Variants in ERCC3 observed in about 807,000 individuals in gnomAD.
ERCC3 encodes ERCC excision repair 3, TFIIH core complex helicase subunit, also known as general transcription and DNA repair factor IIH helicase/translocase subunit XPB.
Under a neutral mutation model 94.2 loss-of-function variants are expected in ERCC3, and 66 were observed. The ratio of observed to expected loss-of-function variants is 0.70; its 90% CI spans 0.57 to 0.86. The LOEUF (loss-of-function observed/expected upper bound fraction) is 0.86. ERCC3 is among the 40% of genes least tolerant of loss of function. The probability of loss-of-function intolerance (pLI) is 0.00; values close to 1 mark genes in which losing one functional copy is unlikely to be tolerated. For missense variants in ERCC3, 829 were observed against 987.1 expected (o/e 0.84, Z 2.15); for synonymous variants, 349 against 369.1 (o/e 0.95, Z 0.63).
rs4150480 is a variant in ERCC3, at chr2:127,274,729, G to T, written c.1731-1768C>A. Among the ~76,000 whole-genome samples, 11,859 of 152,234 alleles carry T rather than the reference G, an allele frequency of 0.078. 692 individuals are homozygous for T. Among genetic ancestry groups the T allele is most frequent in the African/African-American group, 0.17 (6,873 of 41,526 alleles). ...CTCGTCAGAACAGCCTGACTCTTGA[G>T]ACCCAGGTTTTTAGGTGGTTTTCTC... On this transcript the variant is annotated intron_variant, in intron 10 of 14. Coordinates refer to ENST00000285398, the MANE Select transcript of ERCC3 (RefSeq NM_000122.2). This position sits in a 1 kb window ranked among gnomAD's most constrained non-coding sequence, Gnocchi z 4.0.
At chr2:127,265,716 C>T (rs976544275) in intron 12 of ERCC3, among the ~76,000 whole-genome samples, 2 of 152,196 alleles carry the variant, frequency 1.3e-5, no homozygotes, top group African/African-American at 4.8e-5. Flanking sequence ...TGCGACTGGC[C>T]TTATCTATCT....
rs1156723348 is a variant in ERCC3 at position 127,271,007 on chromosome 2, C to G, written c.1945+329G>C. Among the ~76,000 whole-genome samples, 2 of 152,186 alleles carry G rather than the reference C, an allele frequency of 1.3e-5. 1 individual carries two copies. The highest frequency in any genetic ancestry group is 2.9e-5 in the Non-Finnish European group (2 of 68,024). ...CCAGCTCCTCCACTTACACTGGTGGCCCAGCTCTGTTTTCTCCCTTCCATG... is the reference window on the plus strand; with the variant it reads ...CCAGCTCCTCCACTTACACTGGTGGGCCAGCTCTGTTTTCTCCCTTCCATG... On this transcript the variant is annotated intron_variant, in intron 12 of 14. Transcript: ENST00000285398. The surrounding 1 kb of genome is among the most constrained non-coding windows in gnomAD (Gnocchi z 5.0).
intron 7 of ERCC3, 145 bp downstream of exon 7, chr2:127,288,515 T>C (rs911566860): frequency 2.5e-6 from 2 of 804,260 alleles, no homozygotes; most frequent in East Asian, 2.4e-5. Context: ...ACTCAAATAT[T>C]TGTCAAGTCA....
intron 12 of ERCC3, among the ~76,000 whole-genome samples, chr2:127,265,189 G>A (rs58965651): frequency 0.025 from 3,823 of 152,024 alleles, 61 homozygotes; most frequent in African/African-American, 0.03. Flanking sequence ...TCTCCTTATT[G>A]ATCTGTTCAG....
Position 127,271,534 on chromosome 2 carries a change from G to T in ERCC3, c.1828-81C>A. The stretch of plus-strand genomic sequence containing the variant: ...ATCCAGAATTTAAATAAGTTCTGTA[G>T]ATAATTTTGAAACATAATCACTCTT... On this transcript the variant is annotated intron_variant, in intron 11 of 14. Coordinates refer to ENST00000285398, the MANE Select transcript of ERCC3 (RefSeq NM_000122.2). The surrounding 1 kb of genome is among the most constrained non-coding windows in gnomAD (Gnocchi z 5.0). 1.0e-6 allele frequency: 1 copy of T among 970,300 alleles called. No individual in the cohort carries two copies. Among genetic ancestry groups the T allele is most frequent in the Non-Finnish European group, 1.7e-6 (1 of 598,390 alleles). 60.1% of individuals were successfully genotyped at this position (970,300 alleles called of 1,614,324 possible).
chr2:127,293,964 G>T, intron 1 of ERCC3, 90 bp downstream of exon 1: 3 of 1,555,448 alleles, frequency 1.9e-6, no homozygotes, highest in Non-Finnish European at 2.6e-6. Flanking sequence ...AGGGTCGGCC[G>T]GCGCAGAGGC....
At chr2:127,287,486 T>C (rs191300330) in intron 7 of ERCC3, among the ~76,000 whole-genome samples, 2 of 151,914 alleles carry the variant, frequency 1.3e-5, no homozygotes, top group African/African-American at 4.8e-5. Context: ...TACAAAAAAT[T>C]AGCCGGGCAT....
At chr2:127,278,762 G>A (rs1392447519) in intron 10 of ERCC3, among the ~76,000 whole-genome samples, 2 of 152,210 alleles carry the variant, frequency 1.3e-5, no homozygotes, top group Non-Finnish European at 2.9e-5. Context: ...ATGCCAGTCC[G>A]TACTTGGGAT....
At chr2:127,262,996 C>T (rs1218408300) in intron 12 of ERCC3, 1 of 152,192 alleles carries the variant, frequency 6.6e-6, no homozygotes, top group African/African-American at 2.4e-5. Flanking sequence ...TCTGAGCTCT[C>T]TATTCTGCTC....
chr2:127,286,555 AAAAAG>A (rs1685073215), intron 8 of ERCC3, 143 bp downstream of exon 8: 1 of 748,914 alleles, frequency 1.3e-6, no homozygotes. Flanking sequence ...CAAAAAAAAA[AAAAAG>A]AACTATTAAA....
rs1163952294 is a variant in ERCC3, at chr2:127,257,580, G to A, written c.*16C>T. ...GTGCCAAGCGCCGGTCTTGAACGAAGTACCCTGCCTAAGCATCATTTCCTA... is the reference window on the plus strand; with the variant it reads ...GTGCCAAGCGCCGGTCTTGAACGAAATACCCTGCCTAAGCATCATTTCCTA... On this transcript the variant is annotated 3_prime_UTR_variant, in exon 15 of 15. Coordinates refer to ENST00000285398, the MANE Select transcript of ERCC3 (RefSeq NM_000122.2). This position sits in a 1 kb window ranked among gnomAD's most constrained non-coding sequence, Gnocchi z 5.4. 1 of 1,613,438 alleles carries A rather than the reference G, an allele frequency of 6.2e-7. No individual in the cohort carries two copies. The highest frequency in any genetic ancestry group is 1.3e-5 in the African/African-American group (1 of 75,036).
intron 10 of ERCC3, among the ~76,000 whole-genome samples, chr2:127,273,480 T>C (rs1469194765): frequency 6.6e-6 from 1 of 151,796 alleles, no homozygotes; most frequent in Non-Finnish European, 1.5e-5. Context: ...CCAGGCGCGG[T>C]GGTTCACGCC....
rs1685382638 is a variant in ERCC3 at position 127,294,087 on chromosome 2, C to G, written c.-6G>C. 1 of 1,607,482 alleles carries G rather than the reference C, an allele frequency of 6.2e-7. No homozygotes were observed. The highest frequency in any genetic ancestry group is 1.7e-5 in the Admixed American group (1 of 59,936). ...GCTCGGTCTCTTTTGCCCATGGCAG[C>G]TACAGCAGCAGAGAGAAGATGACCC... On this transcript the variant is annotated 5_prime_UTR_variant, in exon 1 of 15. An upstream open reading frame in the 5' UTR loses its in-frame stop. Coordinates refer to ENST00000285398, the MANE Select transcript of ERCC3 (RefSeq NM_000122.2).
chr2:127,292,917 A>T, intron 2 of ERCC3, 71 bp from the exon 3 acceptor site: 1 of 962,276 alleles, frequency 1.0e-6, no homozygotes, highest in Non-Finnish European at 1.7e-6. Context: ...TCTTGCCCAT[A>T]TCATTATCAA....
chr2:127,284,496 C>G lies in ERCC3; in HGVS notation c.1342+2207G>C, dbSNP rs1685006830. On this transcript the variant is annotated intron_variant, in intron 8 of 14. Coordinates refer to ENST00000285398, the MANE Select transcript of ERCC3 (RefSeq NM_000122.2). The surrounding 1 kb of genome is among the most constrained non-coding windows in gnomAD (Gnocchi z 4.1). ...CATCAGAAAGACCTCCAATCCCTCCCTGGCCAGCTGTGAACATCTCTAGGT... is the reference window on the plus strand; with the variant it reads ...CATCAGAAAGACCTCCAATCCCTCCGTGGCCAGCTGTGAACATCTCTAGGT... Among the ~76,000 whole-genome samples, 1 of 152,212 alleles carries G rather than the reference C, an allele frequency of 6.6e-6. No individual in the cohort carries two copies. Among genetic ancestry groups the G allele is most frequent in the Non-Finnish European group, 1.5e-5 (1 of 68,040 alleles).
intron 7 of ERCC3, 141 bp downstream of exon 7, chr2:127,288,519 C>G (rs1685155263): frequency 1.2e-6 from 1 of 811,732 alleles, no homozygotes; most frequent in African/African-American, 1.7e-5. Flanking sequence ...AAATATTTGT[C>G]AAGTCATGAA....
chr2:127,273,749 C>CAAAAAAAAAA (rs398039596), intron 10 of ERCC3, among the ~76,000 whole-genome samples: 9 of 40,118 alleles, frequency 2.2e-4, no homozygotes, highest in African/African-American at 8.5e-4. Flanking sequence ...AACTCTGTCT[C>CAAAAAAAAAA]AAAAAAAAAA....
rs1169385789 is a variant in ERCC3, at chr2:127,288,575, G to A, written c.1027+85C>T. 6.0e-6 allele frequency: 7 copies of A among 1,167,192 alleles called. No individual in the cohort carries two copies. In the African/African-American group the frequency reaches 6.0e-5, roughly 10 times the overall value. 72.3% of individuals were successfully genotyped at this position (1,167,192 alleles called of 1,614,324 possible). A position where few individuals can be genotyped will look rare whatever the true frequency, so the allele number is the denominator to read the frequency against. On this transcript the variant is annotated intron_variant, in intron 7 of 14. Transcript: ENST00000285398. ...GGCTTTTCAGCAAGGTGTGATTTAG[G>A]GAAATGTGCAGAGAGAAAGCGGGAG... is the stretch of plus-strand genomic sequence containing the variant.
chr2:127,289,686 T>C lies in ERCC3; in HGVS notation c.657+3A>G, dbSNP rs1685199407. On this transcript the variant is annotated splice_donor_region_variant and intron_variant, in intron 5 of 14. Coordinates refer to ENST00000285398, the MANE Select transcript of ERCC3 (RefSeq NM_000122.2). ...CCCAAGGGTGGCCCAGGAGTCCACATACGGCAGATTTGCTTGTGAAAGTCT... is the reference window on the plus strand; with the variant it reads ...CCCAAGGGTGGCCCAGGAGTCCACACACGGCAGATTTGCTTGTGAAAGTCT... The C allele has an allele frequency of 6.2e-7, 1 of 1,614,154 alleles. No individual in the cohort carries two copies. The highest frequency in any genetic ancestry group is 8.5e-7 in the Non-Finnish European group (1 of 1,180,028).
Sources: allele counts gnomAD v4.1 joint callset (sites outside exome capture counted in the v4.1 genomes callset), GRCh38; gene constraint gnomAD v4.1.1; non-coding constraint Gnocchi (gnomAD v3.1); transcripts MANE v1.5; gene names NCBI Gene and HGNC (gene_info 2026-07-23, HGNC 2026-07-21).